The following ZFHX3 variants were observed in gnomAD, a reference collection of about 807,000 sequenced individuals.
The protein encoded by ZFHX3 is zinc finger homeobox 3.
Under a neutral mutation model 279.1 loss-of-function variants are expected in ZFHX3, and 42 were observed. The ratio of observed to expected loss-of-function variants is 0.15; its 90% CI spans 0.12 to 0.19. ZFHX3 has a LOEUF of 0.19. ZFHX3 is among the 10% of genes least tolerant of loss of function. The probability of loss-of-function intolerance (pLI) is 1.00; values close to 1 mark genes in which losing one functional copy is unlikely to be tolerated. For missense variants in ZFHX3, 4,981 were observed against 4,754.0 expected (o/e 1.05, Z -1.40); for synonymous variants, 2,293 against 1,957.8 (o/e 1.17, Z -4.52).
intron 2 of ZFHX3, among the ~76,000 whole-genome samples, chr16:73,496,526 A>G (rs2019144853): frequency 6.6e-6 from 1 of 152,216 alleles, no homozygotes; most frequent in Non-Finnish European, 1.5e-5. Flanking sequence ...GCGAGACTCC[A>G]TCTTAAACAA....
chr16:73,569,925 C>T (rs2051716887), intron 2 of ZFHX3, among the ~76,000 whole-genome samples: 1 of 152,100 alleles, frequency 6.6e-6, no homozygotes, highest in Non-Finnish European at 1.5e-5. Flanking sequence ...CACCCGTTTC[C>T]CTTAATCACC....
intron 1 of ZFHX3, among the ~76,000 whole-genome samples, chr16:73,839,933 G>T (rs940640795): frequency 6.6e-6 from 1 of 152,150 alleles, no homozygotes; most frequent in Non-Finnish European, 1.5e-5. Context: ...CATTTCCCCT[G>T]TGTCTTCTCT....
chr16:72,897,771 C>T (rs929017904), intron 3 of ZFHX3, among the ~76,000 whole-genome samples: 2 of 152,160 alleles, frequency 1.3e-5, no homozygotes, highest in Non-Finnish European at 2.9e-5. Flanking sequence ...CACATTACAA[C>T]CCCATGAGGT....
intron 3 of ZFHX3, among the ~76,000 whole-genome samples, chr16:73,435,290 C>T (rs1334416491): frequency 6.6e-6 from 1 of 152,060 alleles, no homozygotes; most frequent in African/African-American, 2.4e-5. Context: ...CTCACTGCAA[C>T]CTCCACCTCC....
At chr16:73,763,636 T>G (rs2053895951) in intron 1 of ZFHX3, among the ~76,000 whole-genome samples, 1 of 152,146 alleles carries the variant, frequency 6.6e-6, no homozygotes, top group East Asian at 1.9e-4. Context: ...TATAACTCCC[T>G]CCTTTTGAAT....
In ZFHX3 at chr16:73,385,985, A is replaced by C. The variant is rs552734482; in HGVS notation, c.-1290-67649T>G. 1.0e-4 allele frequency among the ~76,000 whole-genome samples: 15 copies of C among 150,462 alleles called. No homozygotes were observed. The South Asian group carries it at 3.3e-3, about 33-fold the overall frequency. The stretch of plus-strand genomic sequence containing the variant: ...GTTTCACTTGACCAAGATGTGTGAA[A>C]TGGTGGGGGGTGGGGGGTTACAAAA... On this transcript the variant is annotated intron_variant, in intron 3 of 17. Transcript: ENST00000641206.
At chr16:73,691,381 G>A (rs1422075692) in intron 1 of ZFHX3, among the ~76,000 whole-genome samples, 1 of 152,198 alleles carries the variant, frequency 6.6e-6, no homozygotes, top group African/African-American at 2.4e-5. Context: ...GGAACTCAAA[G>A]AGCTTCAACA....
At chr16:73,386,942 C>T (rs909247063) in intron 3 of ZFHX3, 5 of 152,106 alleles carry the variant, frequency 3.3e-5, no homozygotes, top group Admixed American at 3.3e-4. Flanking sequence ...ATCTCCCTCG[C>T]ATAACCTAGG....
At chr16:73,283,093 C>T (rs535211467) in intron 4 of ZFHX3, among the ~76,000 whole-genome samples, 1 of 152,316 alleles carries the variant, frequency 6.6e-6, no homozygotes, top group East Asian at 1.9e-4. Flanking sequence ...TCCTGGCTAA[C>T]TGCTCAACTC....
chr16:73,425,185 G>A (rs974643379), intron 3 of ZFHX3, among the ~76,000 whole-genome samples: 4 of 152,212 alleles, frequency 2.6e-5, no homozygotes, highest in Non-Finnish European at 4.4e-5. Flanking sequence ...AGGGTGGAGA[G>A]GGAGAAGCTG....
chr16:73,863,337 A>C (rs1961930844), intron 1 of ZFHX3, among the ~76,000 whole-genome samples: 1 of 152,212 alleles, frequency 6.6e-6, no homozygotes, highest in Admixed American at 6.5e-5. Flanking sequence ...TGGCCCCAGA[A>C]GGTGGACCCA....
chr16:73,446,049 T>G (rs1057071243), intron 3 of ZFHX3, among the ~76,000 whole-genome samples: 1 of 152,198 alleles, frequency 6.6e-6, no homozygotes, highest in Non-Finnish European at 1.5e-5. Context: ...TTGAATACTT[T>G]CCTGAGGATC....
rs769122482 is a variant in ZFHX3 at position 72,788,080 on chromosome 16, C to G, written c.10196G>C (p.Ser3399Thr). ...AGCCCCGGGGGGGACTGGGGTTTGG[C>G]TTGCTTTGGGCTGCTGCTGCTGCAC... ...QKVQQQQPKA[S>T]QTPVPPGAPS... Residue 3399 changes from serine (S) to threonine (T), a missense_variant, in exon 10 of 10, where the codon AGC becomes ACC. Ser to Thr is a moderately conservative substitution (Grantham distance 58). This residue lies in a region of ZFHX3 where 1,034 missense variants were observed against 786.0 expected (regional missense o/e 1.32). Transcript: ENST00000268489. 2.4e-5 allele frequency: 39 copies of G among 1,611,856 alleles called. No individual in the cohort carries two copies. In the Admixed American group the frequency reaches 6.2e-4, roughly 25 times the overall value.
intron 4 of ZFHX3, among the ~76,000 whole-genome samples, chr16:73,303,336 GA>G (rs1159201226): frequency 6.6e-6 from 1 of 152,154 alleles, no homozygotes; most frequent in Non-Finnish European, 1.5e-5. Flanking sequence ...CCGAGCAATG[GA>G]AAAATGTTAA....
At chr16:73,008,749 AT>A (rs1198070415) in intron 1 of ZFHX3, among the ~76,000 whole-genome samples, 2 of 152,126 alleles carry the variant, frequency 1.3e-5, no homozygotes, top group Admixed American at 6.6e-5. Flanking sequence ...AAACTTCCAT[AT>A]TTTTTTGATG....
At chr16:73,773,217 C>T (rs535091269) in intron 1 of ZFHX3, among the ~76,000 whole-genome samples, 3 of 152,230 alleles carry the variant, frequency 2.0e-5, no homozygotes, top group Non-Finnish European at 2.9e-5. Context: ...CCGTGTTGCA[C>T]GGCACAGATA....
intron 1 of ZFHX3, among the ~76,000 whole-genome samples, chr16:73,853,281 A>G (rs1961634709): frequency 1.3e-5 from 2 of 152,218 alleles, no homozygotes; most frequent in South Asian, 4.1e-4. Context: ...TTCTCAAAGA[A>G]CTAAAAATAG....
At chr16:73,288,671 C>G (rs890886875) in intron 4 of ZFHX3, among the ~76,000 whole-genome samples, 1 of 152,136 alleles carries the variant, frequency 6.6e-6, no homozygotes, top group Non-Finnish European at 1.5e-5. Flanking sequence ...CCCCAGATGT[C>G]TTGGACTGCT....
chr16:73,534,149 C>A (rs2019854173), intron 2 of ZFHX3, among the ~76,000 whole-genome samples: 1 of 152,126 alleles, frequency 6.6e-6, no homozygotes, highest in Non-Finnish European at 1.5e-5. Context: ...TCTATGACCT[C>A]CTACTTCTCT....
Sources: allele counts gnomAD v4.1 joint callset (sites outside exome capture counted in the v4.1 genomes callset), GRCh38; gene constraint gnomAD v4.1.1; regional missense constraint gnomAD v4.1.1; transcripts MANE v1.5; gene names NCBI Gene and HGNC (gene_info 2026-07-23, HGNC 2026-07-21).